Variants in IQCH observed in about 807,000 individuals in gnomAD.
IQCH encodes the protein IQ motif containing H.
In IQCH, 98 loss-of-function variants were observed where a neutral mutation model predicts 117.0. The ratio of observed to expected loss-of-function variants is 0.84; its 90% CI spans 0.71 to 0.99. The LOEUF (loss-of-function observed/expected upper bound fraction) is 0.99. IQCH is among the 50% of genes least tolerant of loss of function. The pLI is 0.00. For synonymous variants in IQCH, 412 were observed against 448.2 expected, an observed-to-expected ratio of 0.92 and a Z score of 1.02; for missense variants, 1,102 against 1,243.8, an observed-to-expected ratio of 0.89 and a Z score of 1.72.
At chr15:67,265,001 G>A (rs1965612925) in intron 3 of IQCH, among the ~76,000 whole-genome samples, 1 of 152,136 alleles carries the variant, frequency 6.6e-6, no homozygotes. Flanking sequence ...AAAGGATCAA[G>A]CATACAAGCA....
At position 67,475,574 on chromosome 15, in the gene IQCH, T is replaced by C; in HGVS notation, c.2677-122T>C. On this transcript the variant is annotated intron_variant, in intron 17 of 20. Transcript: ENST00000335894. The surrounding 1 kb of genome is among the most constrained non-coding windows in gnomAD (Gnocchi z 5.7). ...TGTAAGATGTTAACAATAGGAGAAC[T>C]GGGTGTGGGGGATATAGGAACTCTC... 1.3e-6 allele frequency: 1 copy of C among 745,058 alleles called. No individual in the cohort carries two copies. The highest frequency in any genetic ancestry group is 2.2e-6 in the Non-Finnish European group (1 of 454,710). The allele number at this position is 745,058 out of a possible 1,614,324, so 46.2% of individuals were successfully genotyped here. A position where few individuals can be genotyped will look rare whatever the true frequency, so the allele number is the denominator to read the frequency against.
rs1019992567 is a variant in IQCH, at chr15:67,413,072, T to G, written c.2098-3859T>G. On this transcript the variant is annotated intron_variant, in intron 14 of 20. Coordinates refer to ENST00000335894, the MANE Select transcript of IQCH (RefSeq NM_001031715.3). This position sits in a 1 kb window ranked among gnomAD's most constrained non-coding sequence, Gnocchi z 5.0. ...TGGAGTGTTTGTCTGTTATGGAAGG[T>G]GTGTGTGTGTGTGTGTGTGTGTGTG... Among the ~76,000 whole-genome samples, 5 of 137,636 alleles carry G rather than the reference T, an allele frequency of 3.6e-5. No homozygotes were observed. Among genetic ancestry groups the G allele is most frequent in the African/African-American group, 9.5e-5 (3 of 31,730 alleles). The allele number at this position is 137,636 out of a possible 152,430, so 90.3% of individuals were successfully genotyped here. A position where few individuals can be genotyped will look rare whatever the true frequency, so the allele number is the denominator to read the frequency against.
intron 1 of IQCH, among the ~76,000 whole-genome samples, chr15:67,260,575 G>A (rs1965415155): frequency 6.6e-6 from 1 of 151,998 alleles, no homozygotes; most frequent in Non-Finnish European, 1.5e-5. Context: ...CAACTTCTTT[G>A]CTGGAAGTTT....
At chr15:67,392,641 G>T (rs1419388160) in intron 12 of IQCH, among the ~76,000 whole-genome samples, 1 of 152,050 alleles carries the variant, frequency 6.6e-6, no homozygotes, top group Non-Finnish European at 1.5e-5. Context: ...GCTGGGCATG[G>T]TGGCATGCAC....
rs140150529 is a variant in IQCH, at chr15:67,267,143, A to G, written c.269+3927A>G. Among the ~76,000 whole-genome samples, 374 of 152,316 alleles carry G rather than the reference A, an allele frequency of 2.5e-3. 4 individuals are homozygous for G. Among genetic ancestry groups the G allele is most frequent in the African/African-American group, 8.7e-3 (362 of 41,580 alleles). ...ACGTTACCACATGAGGGATCGAGTGACAGGCTGAATATTGAATGGTAGTAC... is the reference window on the plus strand; with the variant it reads ...ACGTTACCACATGAGGGATCGAGTGGCAGGCTGAATATTGAATGGTAGTAC... On this transcript the variant is annotated intron_variant, in intron 3 of 20. Transcript: ENST00000335894.
rs964417698 is a variant in IQCH at position 67,436,803 on chromosome 15, G to A, written c.2505+15226G>A. On this transcript the variant is annotated intron_variant, in intron 16 of 20. Transcript: ENST00000335894. The surrounding 1 kb of genome is among the most constrained non-coding windows in gnomAD (Gnocchi z 5.1). ...CTTTCCCCCACTTCCCTGACAACCTGCATGACTCAGCAGAGGCAGCCATAA... is the reference window on the plus strand; with the variant it reads ...CTTTCCCCCACTTCCCTGACAACCTACATGACTCAGCAGAGGCAGCCATAA... Among the ~76,000 whole-genome samples, 29 of 152,150 alleles carry A rather than the reference G, an allele frequency of 1.9e-4. No homozygotes were observed. Among genetic ancestry groups the A allele is most frequent in the Middle Eastern group, 6.8e-3 (2 of 294 alleles).
At chr15:67,362,295 T>TA (rs913827018) in intron 8 of IQCH, among the ~76,000 whole-genome samples, 32 of 149,772 alleles carry the variant, frequency 2.1e-4, no homozygotes, top group Non-Finnish European at 3.3e-4. Flanking sequence ...TCTCCAAATT[T>TA]AAAAAAAAAA....
intron 3 of IQCH, among the ~76,000 whole-genome samples, chr15:67,269,920 A>G (rs557899314): frequency 2.8e-4 from 42 of 152,122 alleles, no homozygotes; most frequent in Non-Finnish European, 4.9e-4. Context: ...AGTTTTGTTC[A>G]TTGTGTATAA....
rs1257493975 is a variant in IQCH at position 67,466,639 on chromosome 15, C to G, written c.2676+1342C>G. ...GGGGCTCAGGCAGCTTTTTCCTTTC[C>G]CTCTTCTTCATCCAGTTGCCCAATC... On this transcript the variant is annotated intron_variant, in intron 17 of 20. Coordinates refer to ENST00000335894, the MANE Select transcript of IQCH (RefSeq NM_001031715.3). The surrounding 1 kb of genome is among the most constrained non-coding windows in gnomAD (Gnocchi z 4.4). 6.6e-6 allele frequency: 1 copy of G among 152,366 alleles called. No homozygotes were observed. The highest frequency in any genetic ancestry group is 6.5e-5 in the Admixed American group (1 of 15,278). 9.4% of individuals were successfully genotyped at this position (152,366 alleles called of 1,614,324 possible).
At chr15:67,318,143 A>C (rs540329609) in intron 4 of IQCH, among the ~76,000 whole-genome samples, 30 of 152,302 alleles carry the variant, frequency 2.0e-4, no homozygotes, top group African/African-American at 7.0e-4. Context: ...AGAGATAATT[A>C]TTATGAACTT....
At chr15:67,400,414 C>T in intron 14 of IQCH, 109 bp downstream of exon 14, 3 of 694,582 alleles carry the variant, frequency 4.3e-6, no homozygotes, top group East Asian at 2.7e-5. Context: ...TTAGCTCTGT[C>T]ACCTGCCAGC....
At chr15:67,345,266 C>T (rs535354776) in intron 6 of IQCH, among the ~76,000 whole-genome samples, 5 of 152,212 alleles carry the variant, frequency 3.3e-5, no homozygotes, top group Non-Finnish European at 7.3e-5. Context: ...GCTGGGATTA[C>T]AGCCATGAGC....
At chr15:67,297,227 A>G (rs535591359) in intron 4 of IQCH, among the ~76,000 whole-genome samples, 23 of 152,346 alleles carry the variant, frequency 1.5e-4, no homozygotes, top group Non-Finnish European at 2.9e-4. Flanking sequence ...ATGAACAATT[A>G]CATTTTAATT....
chr15:67,318,442 TTATAAG>T (rs1438441139), intron 4 of IQCH, among the ~76,000 whole-genome samples: 1 of 152,200 alleles, frequency 6.6e-6, no homozygotes. Flanking sequence ...AGGAAAATGT[TTATAAG>T]TATGCCAGTT....
In IQCH at chr15:67,390,204, T is replaced by TAC. The variant is rs958025867; in HGVS notation, c.1632+1199_1632+1200insCA. ...AACCTTCCAATATCCTCCACCAATGTAAGAATTTCTTTGGTGCTTCCTAGT... is the reference window on the plus strand; with the variant it reads ...AACCTTCCAATATCCTCCACCAATGTACAAGAATTTCTTTGGTGCTTCCTAGT... On this transcript the variant is annotated intron_variant, in intron 12 of 20. Coordinates refer to ENST00000335894, the MANE Select transcript of IQCH (RefSeq NM_001031715.3). This position sits in a 1 kb window ranked among gnomAD's most constrained non-coding sequence, Gnocchi z 5.0. Among the ~76,000 whole-genome samples, 51 of 152,288 alleles carry TAC rather than the reference T, an allele frequency of 3.3e-4. No individual in the cohort carries two copies. The highest frequency in any genetic ancestry group is 1.2e-3 in the African/African-American group (49 of 41,568).
rs1420913037 is a variant in IQCH at position 67,445,785 on chromosome 15, T to A, written c.2506-19342T>A. On this transcript the variant is annotated intron_variant, in intron 16 of 20. Transcript: ENST00000335894. The surrounding 1 kb of genome is among the most constrained non-coding windows in gnomAD (Gnocchi z 4.3). Reference sequence around the variant, plus strand: ...CTCCACAAATGTCTTAATATGTAAATGCTATTAAACCAACCCACTGGAGCT... The same window carrying A: ...CTCCACAAATGTCTTAATATGTAAAAGCTATTAAACCAACCCACTGGAGCT... Among the ~76,000 whole-genome samples the A allele has an allele frequency of 1.3e-5, 2 of 152,172 alleles. No individual in the cohort carries two copies. The highest frequency in any genetic ancestry group is 2.9e-5 in the Non-Finnish European group (2 of 68,038).
intron 8 of IQCH, among the ~76,000 whole-genome samples, chr15:67,360,644 C>T (rs1970093269): frequency 6.6e-6 from 1 of 152,232 alleles, no homozygotes; most frequent in Non-Finnish European, 1.5e-5. Context: ...TATCATAACT[C>T]ATTGGTCCAT....
chr15:67,303,801 TA>T (rs1320905612), intron 4 of IQCH, among the ~76,000 whole-genome samples: 1 of 152,178 alleles, frequency 6.6e-6, no homozygotes, highest in African/African-American at 2.4e-5. Context: ...AAGAGGCTTT[TA>T]TTTTTTTCTA....
Position 67,422,098 on chromosome 15 carries a change from C to CA in IQCH, c.2505+536dup, listed in dbSNP as rs112928088. Among the ~76,000 whole-genome samples, 6,141 of 124,318 alleles carry CA rather than the reference C, an allele frequency of 0.049. 138 individuals are homozygous for CA. The highest frequency in any genetic ancestry group is 0.066 in the Non-Finnish European group (3,831 of 58,092). 81.6% of individuals were successfully genotyped at this position (124,318 alleles called of 152,430 possible). On this transcript the variant is annotated intron_variant, in intron 16 of 20. Coordinates refer to ENST00000335894, the MANE Select transcript of IQCH (RefSeq NM_001031715.3). This position sits in a 1 kb window ranked among gnomAD's most constrained non-coding sequence, Gnocchi z 4.7. The stretch of plus-strand genomic sequence containing the variant: ...TGGGTGACAGAGTGAAACTCCATCT[C>CA]AAAAAAAAAAAAAAATAGTGACTGA...
Sources: gnomAD v4.1 joint callset for allele counts (sites outside exome capture counted in the v4.1 genomes callset) on GRCh38, gnomAD v4.1.1 for gene constraint, Gnocchi (gnomAD v3.1) non-coding constraint, MANE v1.5 for transcripts, NCBI Gene and HGNC (gene_info 2026-07-23, HGNC 2026-07-21) for gene names.